Variants in MAP3K20 observed in about 807,000 individuals in gnomAD.
MAP3K20 encodes mitogen-activated protein kinase kinase kinase 20.
A neutral mutation model predicts 85.7 loss-of-function variants in MAP3K20; 40 were observed. That is an observed-to-expected ratio of 0.47 (90% CI 0.36 to 0.61). MAP3K20 has a LOEUF of 0.61. Among genes scored for constraint, MAP3K20 ranks in the 20% least tolerant of loss-of-function variants. The pLI, the probability that MAP3K20 is intolerant of heterozygous loss-of-function variation, is 0.00. For synonymous variants in MAP3K20, 325 were observed against 327.7 expected, an observed-to-expected ratio of 0.99 and a Z score of 0.09; for missense variants, 817 against 961.7, an observed-to-expected ratio of 0.85 and a Z score of 1.99.
At chr2:173,176,186 G>A (rs78103872) in intron 3 of MAP3K20, among the ~76,000 whole-genome samples, 5,235 of 152,090 alleles carry the variant, frequency 0.034, 120 homozygotes, top group Admixed American at 0.054. Context: ...ATCTTTGACT[G>A]TATTATGCAT....
At chr2:173,260,786 T>C (rs16861457) in intron 17 of MAP3K20, among the ~76,000 whole-genome samples, 4,371 of 152,282 alleles carry the variant, frequency 0.029, 214 homozygotes, top group African/African-American at 0.099. Flanking sequence ...GACCTAATGA[T>C]AGGATTGAGT....
Position 173,266,045 on chromosome 2 carries a change from C to T in MAP3K20, c.1703-5C>T, listed in dbSNP as rs371048857. ...AAAAGATGCTCATTTCCATTTCTCCCGCAGGTGCTGATTGCCAGTGGTTAG... is the reference window on the plus strand; with the variant it reads ...AAAAGATGCTCATTTCCATTTCTCCTGCAGGTGCTGATTGCCAGTGGTTAG... On this transcript the variant is annotated splice_polypyrimidine_tract_variant and splice_region_variant and intron_variant, in intron 19 of 19. Transcript: ENST00000375213. 4.4e-5 allele frequency: 68 copies of T among 1,554,894 alleles called. No individual in the cohort carries two copies. Among genetic ancestry groups the T allele is most frequent in the African/African-American group, 1.5e-4 (11 of 73,484 alleles).
chr2:173,185,719 A>G (rs967956467), intron 4 of MAP3K20, among the ~76,000 whole-genome samples: 8 of 152,224 alleles, frequency 5.3e-5, no homozygotes, highest in African/African-American at 1.4e-4. Context: ...TCTCACAAAA[A>G]AGATTCTCTT....
Position 173,182,882 on chromosome 2 carries a change from T to A in MAP3K20, c.276T>A (p.Asp92Glu), listed in dbSNP as rs1258199383. The change falls in exon 4 of 20, where the codon GAT becomes GAA. Residue 92 changes from aspartate (D) to glutamate (E), a missense_variant. Around this residue, in one of 4 missense-constraint regions of MAP3K20, gnomAD observed 200 missense variants for 302.7 expected, o/e 0.66. Coordinates refer to ENST00000375213, the MANE Select transcript of MAP3K20 (RefSeq NM_016653.3). ...ATGCTTCTCTGGGATCACTCTATGA[T>A]TACATTAACAGTAACAGAAGTGAGG... ...TEYASLGSLY[D>E]YINSNRSEEM... 5 of 1,608,558 alleles carry A rather than the reference T, an allele frequency of 3.1e-6. No individual in the cohort carries two copies. The highest frequency in any genetic ancestry group is 2.5e-6 in the Non-Finnish European group (3 of 1,177,876).
chr2:173,119,629 G>A (rs961896077), intron 2 of MAP3K20, among the ~76,000 whole-genome samples: 1 of 152,172 alleles, frequency 6.6e-6, no homozygotes, highest in African/African-American at 2.4e-5. Context: ...GTGCTGAGAG[G>A]CAATAAATTG....
At position 173,175,014 on chromosome 2, in the gene MAP3K20, C is replaced by T. The variant is rs1424393601; in HGVS notation, c.247+5122C>T. On this transcript the variant is annotated intron_variant, in intron 3 of 19. Coordinates refer to ENST00000375213, the MANE Select transcript of MAP3K20 (RefSeq NM_016653.3). Reference sequence around the variant, plus strand: ...TCTTTAGAAGACTTGTTTTCAGTGACATCCCGCAGTTGGAATTGAGAGTTC... The same window carrying T: ...TCTTTAGAAGACTTGTTTTCAGTGATATCCCGCAGTTGGAATTGAGAGTTC... Among the ~76,000 whole-genome samples, 5 of 152,174 alleles carry T rather than the reference C, an allele frequency of 3.3e-5. No homozygotes were observed. In the East Asian group the frequency reaches 9.6e-4, roughly 29 times the overall value.
intron 12 of MAP3K20, among the ~76,000 whole-genome samples, chr2:173,230,981 G>C (rs1035293937): frequency 6.6e-6 from 1 of 152,128 alleles, no homozygotes. Context: ...GGGCAACAGA[G>C]CAAGGCTTCA....
At position 173,170,161 on chromosome 2, in the gene MAP3K20, G is replaced by T. The variant is rs550900090; in HGVS notation, c.247+269G>T. ...AGCTGCAATACCAATATTTCAAGGT[G>T]CCGTTTAACTAAAATTTCATTTAAT... On this transcript the variant is annotated intron_variant, in intron 3 of 19. Transcript: ENST00000375213. Among the ~76,000 whole-genome samples the T allele has an allele frequency of 3.3e-5, 5 of 152,278 alleles. No homozygotes were observed. In the South Asian group the frequency reaches 1.0e-3, roughly 32 times the overall value.
chr2:173,075,526 C>G (rs1234712346), upstream of MAP3K20: 1 of 156,340 alleles, frequency 6.4e-6, no homozygotes, highest in Non-Finnish European at 1.4e-5. Context: ...CACAAAACAG[C>G]CTCTATTTCT....
intron 2 of MAP3K20, among the ~76,000 whole-genome samples, chr2:173,156,515 G>A (rs540301485): frequency 2.0e-5 from 3 of 152,262 alleles, no homozygotes; most frequent in Admixed American, 6.5e-5. Context: ...CAGATAGGGC[G>A]GTGGTGGGGG....
intron 9 of MAP3K20, among the ~76,000 whole-genome samples, chr2:173,206,835 G>C (rs1683702412): frequency 6.6e-6 from 1 of 152,082 alleles, no homozygotes; most frequent in African/African-American, 2.4e-5. Context: ...TAAATTTCCT[G>C]AGTGGTACAT....
intron 11 of MAP3K20, among the ~76,000 whole-genome samples, chr2:173,220,638 G>A (rs1233043138): frequency 6.6e-6 from 1 of 152,142 alleles, no homozygotes; most frequent in African/African-American, 2.4e-5. Context: ...CAGATAAAAA[G>A]GGAGTTAATA....
chr2:173,108,573 G>A (rs533121496), intron 2 of MAP3K20, among the ~76,000 whole-genome samples: 2 of 152,218 alleles, frequency 1.3e-5, no homozygotes, highest in Admixed American at 6.5e-5. Flanking sequence ...TGGAGGTATT[G>A]TTCCATGTAT....
At chr2:173,169,040 A>G (rs1689923934) in intron 2 of MAP3K20, among the ~76,000 whole-genome samples, 1 of 152,202 alleles carries the variant, frequency 6.6e-6, no homozygotes, top group East Asian at 1.9e-4. Context: ...TACCTTGCAT[A>G]CAGAAGGAGA....
intron 11 of MAP3K20, 83 bp downstream of exon 11, chr2:173,217,333 C>T: frequency 7.5e-7 from 1 of 1,336,014 alleles, no homozygotes; most frequent in Non-Finnish European, 9.7e-7. Context: ...ACCTCTTCCC[C>T]TGCCTCCCGC....
intron 2 of MAP3K20, among the ~76,000 whole-genome samples, chr2:173,130,655 C>G (rs892517067): frequency 6.6e-6 from 1 of 152,208 alleles, no homozygotes; most frequent in Non-Finnish European, 1.5e-5. Context: ...CCAAAGTATG[C>G]TGGTTAACAG....
intron 11 of MAP3K20, chr2:173,224,419 TGCATTAATAAAA>T (rs1369247119): frequency 3.0e-6 from 3 of 985,310 alleles, no homozygotes; most frequent in Non-Finnish European, 3.6e-6. Context: ...AAAGTTCTGA[TGCATTAATAAAA>T]GCAGCCAAAT....
intron 1 of MAP3K20, 61 bp downstream of exon 1, chr2:173,076,063 C>A (rs952032887): frequency 1.0e-6 from 1 of 971,396 alleles, no homozygotes; most frequent in Non-Finnish European, 1.2e-6. Flanking sequence ...CCGCCGCGCT[C>A]GCGAGTCGTC....
intron 2 of MAP3K20, among the ~76,000 whole-genome samples, chr2:173,138,686 C>A (rs1406502695): frequency 1.3e-5 from 2 of 152,136 alleles, no homozygotes; most frequent in Non-Finnish European, 2.9e-5. Flanking sequence ...GCTCTTACAC[C>A]CTGTTAGGTT....
Sources: gnomAD v4.1 joint callset for allele counts (sites outside exome capture counted in the v4.1 genomes callset) on GRCh38, gnomAD v4.1.1 for gene constraint, gnomAD v4.1.1 regional missense constraint, MANE v1.5 for transcripts, NCBI Gene and HGNC (gene_info 2026-07-23, HGNC 2026-07-21) for gene names.